The following PCDHGA4 variants were observed in gnomAD, a reference collection of about 807,000 sequenced individuals.
The protein encoded by PCDHGA4 is protocadherin gamma subfamily A, 4, also known as protocadherin gamma-A4.
A neutral mutation model predicts 54.6 loss-of-function variants in PCDHGA4; 38 were observed. That is an observed-to-expected ratio of 0.70 (90% CI 0.54 to 0.91). The LOEUF (loss-of-function observed/expected upper bound fraction) is 0.91, where lower values mean the gene tolerates loss of function less well. Among genes scored for constraint, PCDHGA4 ranks in the 40% least tolerant of loss-of-function variants. PCDHGA4 has a pLI of 0.00. For synonymous variants in PCDHGA4, 511 were observed against 512.9 expected (o/e 1.00, Z 0.05); for missense variants, 1,298 against 1,220.9 (o/e 1.06, Z -0.94).
chr5:141,430,619 A>G lies in PCDHGA4; in HGVS notation c.2515-64188A>G, dbSNP rs192473783. ...CGCCTGAAGCACAAAGCAGATAGCT[A>G]GGAATGAACCATCCCTGGGAGTATG... On this transcript the variant is annotated intron_variant, in intron 1 of 3. Coordinates refer to ENST00000571252, the MANE Select transcript of PCDHGA4 (RefSeq NM_018917.4). 9.4e-5 allele frequency: 68 copies of G among 720,190 alleles called. 1 individual carries two copies. The African/African-American group carries it at 1.1e-3, about 12-fold the overall frequency. 44.6% of individuals were successfully genotyped at this position (720,190 alleles called of 1,614,324 possible). A position where few individuals can be genotyped will look rare whatever the true frequency, so the allele number is the denominator to read the frequency against.
Position 141,489,826 on chromosome 5 carries a change from C to T in PCDHGA4, c.2515-4981C>T, listed in dbSNP as rs1270077118. 1 of 1,614,186 alleles carries T rather than the reference C, an allele frequency of 6.2e-7. No individual in the cohort carries two copies. The highest frequency in any genetic ancestry group is 1.7e-5 in the Admixed American group (1 of 60,028). On this transcript the variant is annotated intron_variant, in intron 1 of 3. Coordinates refer to ENST00000571252, the MANE Select transcript of PCDHGA4 (RefSeq NM_018917.4). The surrounding 1 kb of genome is among the most constrained non-coding windows in gnomAD (Gnocchi z 4.5). ...TGGGAAGCCATTCCCAGAGCTGGTGCTAGAGCAGCAGCTGGATCGTGAAGC... is the reference window on the plus strand; with the variant it reads ...TGGGAAGCCATTCCCAGAGCTGGTGTTAGAGCAGCAGCTGGATCGTGAAGC...
Position 141,432,563 on chromosome 5 carries a change from G to T in PCDHGA4, c.2515-62244G>T. 2 of 1,613,912 alleles carry T rather than the reference G, an allele frequency of 1.2e-6. No homozygotes were observed. Among genetic ancestry groups the T allele is most frequent in the Non-Finnish European group, 1.7e-6 (2 of 1,179,996 alleles). The stretch of plus-strand genomic sequence containing the variant: ...GGTGGACAGAGACTCCGGCCAGAAC[G>T]CCTGGCTGTCCTACCGTCTGCTCAA... On this transcript the variant is annotated intron_variant, in intron 1 of 3. Transcript: ENST00000571252. The surrounding 1 kb of genome is among the most constrained non-coding windows in gnomAD (Gnocchi z 6.0).
Position 141,423,504 on chromosome 5 carries a change from T to G in PCDHGA4, c.2514+65883T>G, listed in dbSNP as rs1448233226. ...TGCAAACCTATTCCCACGAGGTCTCTCTCATTGCGGACTCGCAGAAGAGTC... is the reference window on the plus strand; with the variant it reads ...TGCAAACCTATTCCCACGAGGTCTCGCTCATTGCGGACTCGCAGAAGAGTC... On this transcript the variant is annotated intron_variant, in intron 1 of 3. Transcript: ENST00000571252. The G allele has an allele frequency of 3.1e-6, 5 of 1,613,770 alleles. No individual in the cohort carries two copies. The Admixed American group carries it at 8.3e-5, about 27-fold the overall frequency.
intron 1 of PCDHGA4, chr5:141,371,338 A>G (rs767000210): frequency 6.2e-7 from 1 of 1,613,990 alleles, no homozygotes; most frequent in Non-Finnish European, 8.5e-7. Context: ...AGAGATAGCT[A>G]CACAATTGGG....
intron 1 of PCDHGA4, chr5:141,399,248 A>G (rs2150780633): frequency 6.2e-7 from 1 of 1,613,870 alleles, no homozygotes; most frequent in South Asian, 1.1e-5. Context: ...GATTCTGGGG[A>G]AAATGGGGAG....
intron 1 of PCDHGA4, chr5:141,422,771 T>C (rs2096671394): frequency 6.2e-7 from 1 of 1,613,954 alleles, no homozygotes; most frequent in Non-Finnish European, 8.5e-7. Flanking sequence ...ACTGGTGTTC[T>C]CTATGCCCTA....
intron 1 of PCDHGA4, chr5:141,370,851 G>T (rs903944197): frequency 6.2e-7 from 1 of 1,614,018 alleles, no homozygotes; most frequent in Non-Finnish European, 8.5e-7. Flanking sequence ...AGCCACATTT[G>T]CCCTGGAATC....
rs2154573815 is a variant in PCDHGA4 at position 141,475,798 on chromosome 5, CAAAGG to C, written c.2515-19004_2515-19000del. ...TTGGCTGGAAACTCTGGAAGGAAGC[CAAAGG>C]AAAGTGAAGTTCCTGGCGCTAGCGC... On this transcript the variant is annotated intron_variant, in intron 1 of 3. Coordinates refer to ENST00000571252, the MANE Select transcript of PCDHGA4 (RefSeq NM_018917.4). The C allele has an allele frequency of 9.7e-6, 3 of 309,052 alleles. No homozygotes were observed. The South Asian group carries it at 2.0e-4, about 21-fold the overall frequency. 19.1% of individuals were successfully genotyped at this position (309,052 alleles called of 1,614,324 possible).
intron 1 of PCDHGA4, among the ~76,000 whole-genome samples, chr5:141,458,513 G>T (rs968604511): frequency 6.8e-6 from 1 of 146,128 alleles, no homozygotes; most frequent in Non-Finnish European, 1.5e-5. Flanking sequence ...TTGACACTTT[G>T]TTTTTTTTTT....
Position 141,403,961 on chromosome 5 carries a change from G to A in PCDHGA4, c.2514+46340G>A, listed in dbSNP as rs763967342. 8.1e-6 allele frequency: 13 copies of A among 1,613,892 alleles called. No individual in the cohort carries two copies. Among genetic ancestry groups the A allele is most frequent in the Non-Finnish European group, 1.1e-5 (13 of 1,179,856 alleles). On this transcript the variant is annotated intron_variant, in intron 1 of 3. Transcript: ENST00000571252. ...AGGGTGGACAAAAGTGCTCATTTCG[G>A]TGGAAGATGTAAATGACAATAGACC...
chr5:141,421,838 A>G (rs2096604619), intron 1 of PCDHGA4: 1 of 1,613,764 alleles, frequency 6.2e-7, no homozygotes, highest in East Asian at 2.2e-5. Flanking sequence ...CTGGACCGAG[A>G]GAAAGAGGCT....
intron 1 of PCDHGA4, chr5:141,383,160 G>T (rs770719921): frequency 1.9e-6 from 3 of 1,613,316 alleles, no homozygotes; most frequent in Admixed American, 1.7e-5. Context: ...TGGTCACTGC[G>T]GGCAGGATAG....
At chr5:141,437,764 A>G (rs1408729040) in intron 1 of PCDHGA4, among the ~76,000 whole-genome samples, 1 of 149,226 alleles carries the variant, frequency 6.7e-6, no homozygotes, top group Non-Finnish European at 1.5e-5. Flanking sequence ...TTTGAGACAG[A>G]GTCTCAATCT....
chr5:141,362,421 G>A (rs1292058776), intron 1 of PCDHGA4: 1 of 1,613,910 alleles, frequency 6.2e-7, no homozygotes, highest in African/African-American at 1.3e-5. Context: ...AATCAGCCAA[G>A]ACAGAGTTCA....
chr5:141,383,755 C>T, intron 1 of PCDHGA4: 1 of 1,613,958 alleles, frequency 6.2e-7, no homozygotes, highest in Non-Finnish European at 8.5e-7. Context: ...GAAAATAACT[C>T]CTAAACTTCC....
rs768510925 is a variant in PCDHGA4 at position 141,394,047 on chromosome 5, C to T, written c.2514+36426C>T. On this transcript the variant is annotated intron_variant, in intron 1 of 3. Coordinates refer to ENST00000571252, the MANE Select transcript of PCDHGA4 (RefSeq NM_018917.4). Reference sequence around the variant, plus strand: ...ATTAGTGACAAGGAAATATTTGGACCGAGAAAATGTCTCTATCTACAATAT... The same window carrying T: ...ATTAGTGACAAGGAAATATTTGGACTGAGAAAATGTCTCTATCTACAATAT... The T allele has an allele frequency of 5.6e-6, 9 of 1,613,438 alleles. No homozygotes were observed. The Admixed American group carries it at 1.5e-4, about 27-fold the overall frequency.
intron 1 of PCDHGA4, among the ~76,000 whole-genome samples, chr5:141,481,761 G>A (rs984825493): frequency 2.6e-5 from 4 of 152,234 alleles, no homozygotes; most frequent in Non-Finnish European, 2.9e-5. Context: ...AGACCAGCCT[G>A]GCCAACATGG....
rs780268305 is a variant in PCDHGA4, at chr5:141,410,637, T to G, written c.2514+53016T>G. 1.9e-6 allele frequency: 3 copies of G among 1,599,938 alleles called. No homozygotes were observed. In the South Asian group the frequency reaches 3.3e-5, roughly 18 times the overall value. ...CTGACTTCGGTGAGTTTCTCTTTTT[T>G]GTGTGTGATTTATCTAATAGTCTAC... On this transcript the variant is annotated intron_variant, in intron 1 of 3. Transcript: ENST00000571252.
At chr5:141,462,100 G>T (rs1202526885) in intron 1 of PCDHGA4, among the ~76,000 whole-genome samples, 1 of 152,164 alleles carries the variant, frequency 6.6e-6, no homozygotes, top group Non-Finnish European at 1.5e-5. Flanking sequence ...TGGGATTACA[G>T]GCATGAGCCA....
Sources: allele counts gnomAD v4.1 joint callset (sites outside exome capture counted in the v4.1 genomes callset), GRCh38; gene constraint gnomAD v4.1.1; non-coding constraint Gnocchi (gnomAD v3.1); transcripts MANE v1.5; gene names NCBI Gene and HGNC (gene_info 2026-07-23, HGNC 2026-07-21).